Variants in USP6NL observed in about 807,000 individuals in gnomAD.
USP6NL encodes USP6 N-terminal-like protein.
In USP6NL, 26 loss-of-function variants were observed where a neutral mutation model predicts 61.9. The observed-to-expected ratio is 0.42, with a 90% CI of 0.31 to 0.58. The LOEUF (loss-of-function observed/expected upper bound fraction) is 0.58. Among genes scored for constraint, USP6NL ranks in the 20% least tolerant of loss-of-function variants. The pLI, the probability that USP6NL is intolerant of heterozygous loss-of-function variation, is 0.16. For missense variants in USP6NL, 1,114 were observed against 1,034.3 expected (o/e 1.08, Z -1.06); for synonymous variants, 432 against 390.1 (o/e 1.11, Z -1.27).
At chr10:11,501,865 C>A (rs76711727) in intron 6 of USP6NL, among the ~76,000 whole-genome samples, 22 of 152,176 alleles carry the variant, frequency 1.4e-4, no homozygotes, top group African/African-American at 5.1e-4. Context: ...AAACTTTTTT[C>A]TTTTTCTTAA....
rs534873937 is a variant in USP6NL, at chr10:11,476,362, G to GTCC, written c.1078+5405_1078+5407dup. ...AGTATTTGAGGTGAAGTATCCTGAT[G>GTCC]TCCTTATTTTCACTTTAAAATTGTT... On this transcript the variant is annotated intron_variant, in intron 14 of 14. Transcript: ENST00000609104. The surrounding 1 kb of genome is among the most constrained non-coding windows in gnomAD (Gnocchi z 4.3). Among the ~76,000 whole-genome samples, 153 of 152,258 alleles carry GTCC rather than the reference G, an allele frequency of 1.0e-3. 1 individual carries two copies. Among genetic ancestry groups the GTCC allele is most frequent in the African/African-American group, 3.5e-3 (145 of 41,556 alleles).
In USP6NL at chr10:11,525,361, C is replaced by A; in HGVS notation, c.155+25G>T. ...CACAGAAACGTTATAATCTAAAAAG[C>A]AAGCTTTCAATCTATGTGACTTACT... On this transcript the variant is annotated intron_variant, in intron 4 of 14. Coordinates refer to ENST00000609104, the MANE Select transcript of USP6NL (RefSeq NM_014688.5). This position sits in a 1 kb window ranked among gnomAD's most constrained non-coding sequence, Gnocchi z 5.0. The A allele has an allele frequency of 1.3e-6, 2 of 1,559,684 alleles. No homozygotes were observed. The highest frequency in any genetic ancestry group is 1.7e-6 in the Non-Finnish European group (2 of 1,156,128).
rs1200148342 is a variant in USP6NL, at chr10:11,489,104, T to C, written c.662A>G (p.His221Arg). 2 of 1,613,856 alleles carry C rather than the reference T, an allele frequency of 1.2e-6. No homozygotes were observed. Among genetic ancestry groups the C allele is most frequent in the East Asian group, 2.2e-5 (1 of 44,880 alleles). The change falls in exon 10 of 15, where the codon CAT (histidine) becomes CGT (arginine). Residue 221 changes from histidine (H) to arginine (R), a missense_variant and splice_region_variant. Coordinates refer to ENST00000609104, the MANE Select transcript of USP6NL (RefSeq NM_014688.5). The surrounding 1 kb of genome is among the most constrained non-coding windows in gnomAD (Gnocchi z 5.7). The part of the protein sequence containing the change: ...KLFSGPKHAM[H>R]GFFVQGFPKL... The stretch of plus-strand genomic sequence containing the variant: ...GATAAAGCACAGGGTTTTCTTACCA[T>C]GCATGGCATGTTTAGGGCCTGAGAA...
At chr10:11,483,405 GA>G (rs1223954949) in intron 13 of USP6NL, among the ~76,000 whole-genome samples, 5 of 140,952 alleles carry the variant, frequency 3.5e-5, no homozygotes, top group African/African-American at 1.3e-4. Context: ...ATTCTTGAGG[GA>G]ACATTAAGCT....
Position 11,460,732 on chromosome 10 carries a change from A to G in USP6NL, c.*1709T>C, listed in dbSNP as rs1323636721. The G allele has an allele frequency of 6.6e-6, 1 of 151,212 alleles. No individual in the cohort carries two copies. The highest frequency in any genetic ancestry group is 1.5e-5 in the Non-Finnish European group (1 of 67,720). 9.4% of individuals were successfully genotyped at this position (151,212 alleles called of 1,614,324 possible). A position where few individuals can be genotyped will look rare whatever the true frequency, so the allele number is the denominator to read the frequency against. Reference sequence around the variant, plus strand: ...ATACTGCTATTATAAACTAAATTGTACAGCTTGGTTTATTACAAGTCACAG... The same window carrying G: ...ATACTGCTATTATAAACTAAATTGTGCAGCTTGGTTTATTACAAGTCACAG... On this transcript the variant is annotated 3_prime_UTR_variant, in exon 15 of 15. Transcript: ENST00000609104.
intron 10 of USP6NL, among the ~76,000 whole-genome samples, chr10:11,486,651 G>T (rs1833483137): frequency 6.6e-6 from 1 of 152,096 alleles, no homozygotes; most frequent in Non-Finnish European, 1.5e-5. Context: ...ATCCAACCTG[G>T]GTTCCATGCA....
intron 2 of USP6NL, among the ~76,000 whole-genome samples, chr10:11,567,298 G>A (rs1054953554): frequency 6.6e-6 from 1 of 152,170 alleles, no homozygotes; most frequent in African/African-American, 2.4e-5. Context: ...ACAACTGACT[G>A]CAAAATTTAC....
rs550227825 is a variant in USP6NL, at chr10:11,607,587, G to A, written c.-84+3856C>T. On this transcript the variant is annotated intron_variant, in intron 1 of 14. Transcript: ENST00000609104. ...TGTAGTCCCAGTTACCTGGGAGGGT[G>A]AGGTGGGAGAATCGCTTGAGCCTGG... Among the ~76,000 whole-genome samples, 3 of 152,286 alleles carry A rather than the reference G, an allele frequency of 2.0e-5. No individual in the cohort carries two copies. In the East Asian group the frequency reaches 5.8e-4, roughly 29 times the overall value.
intron 2 of USP6NL, among the ~76,000 whole-genome samples, chr10:11,545,502 A>ACCTT (rs1427759428): frequency 6.6e-6 from 1 of 152,188 alleles, no homozygotes; most frequent in Non-Finnish European, 1.5e-5. Flanking sequence ...CCAGAGAAAC[A>ACCTT]TATCCTTTAC....
chr10:11,469,380 G>GC, intron 14 of USP6NL, among the ~76,000 whole-genome samples: 1 of 152,180 alleles, frequency 6.6e-6, no homozygotes, highest in South Asian at 2.1e-4. Flanking sequence ...ATATACACAG[G>GC]CAGAAACCTG....
Position 11,587,324 on chromosome 10 carries a change from G to A in USP6NL, c.4+10307C>T, listed in dbSNP as rs1271411126. ...TTAAGAAATTAATTTATAGTATCAT[G>A]TGTCTCAAAGTTGTCTAACTTTGAA... On this transcript the variant is annotated intron_variant, in intron 2 of 14. Transcript: ENST00000609104. The surrounding 1 kb of genome is among the most constrained non-coding windows in gnomAD (Gnocchi z 4.5). Among the ~76,000 whole-genome samples, 1 of 152,122 alleles carries A rather than the reference G, an allele frequency of 6.6e-6. No homozygotes were observed. The highest frequency in any genetic ancestry group is 6.5e-5 in the Admixed American group (1 of 15,270).
rs745675176 is a variant in USP6NL, at chr10:11,463,187, G to A, written c.1741C>T (p.Leu581Phe). Residue 581 changes from leucine to phenylalanine, a missense_variant, in exon 15 of 15, where the codon CTT (leucine) becomes TTT (phenylalanine). Transcript: ENST00000609104. This position sits in a 1 kb window ranked among gnomAD's most constrained non-coding sequence, Gnocchi z 6.3. Reference sequence around the variant, plus strand: ...TGCTTTCTCGGGCTAGGAGGGTAAAGGGCATGCCGGGGGCTCTGGGAGTAA... The same window carrying A: ...TGCTTTCTCGGGCTAGGAGGGTAAAAGGCATGCCGGGGGCTCTGGGAGTAA... ...RAYSQSPRHA[L>F]YPPSPRKHAE... 3 of 1,613,568 alleles carry A rather than the reference G, an allele frequency of 1.9e-6. No homozygotes were observed. Among genetic ancestry groups the A allele is most frequent in the Non-Finnish European group, 8.5e-7 (1 of 1,179,888 alleles).
At chr10:11,590,966 A>C (rs1228083815) in intron 2 of USP6NL, among the ~76,000 whole-genome samples, 1 of 152,202 alleles carries the variant, frequency 6.6e-6, no homozygotes, top group Non-Finnish European at 1.5e-5. Context: ...CTCCTATAAG[A>C]CAAAATTAGA....
Position 11,468,790 on chromosome 10 carries a change from G to A in USP6NL, c.1079-4941C>T, listed in dbSNP as rs1253024554. 1.3e-5 allele frequency among the ~76,000 whole-genome samples: 2 copies of A among 152,032 alleles called. No individual in the cohort carries two copies. The highest frequency in any genetic ancestry group is 4.8e-5 in the African/African-American group (2 of 41,366). On this transcript the variant is annotated intron_variant, in intron 14 of 14. Transcript: ENST00000609104. The surrounding 1 kb of genome is among the most constrained non-coding windows in gnomAD (Gnocchi z 4.5). ...GGCACATATCAGTAAAGACTGAGCT[G>A]GACACATAGTAAAATGTAGAATTAC...
intron 2 of USP6NL, among the ~76,000 whole-genome samples, chr10:11,550,768 A>G (rs1286774739): frequency 6.6e-6 from 1 of 151,876 alleles, no homozygotes; most frequent in Non-Finnish European, 1.5e-5. Context: ...AAAATAAATA[A>G]ATAAAAACAA....
At chr10:11,469,446 G>GA (rs1388269852) in intron 14 of USP6NL, among the ~76,000 whole-genome samples, 1 of 152,088 alleles carries the variant, frequency 6.6e-6, no homozygotes, top group Non-Finnish European at 1.5e-5. Context: ...AGCAGGGTTC[G>GA]GGGGGGAAGA....
intron 1 of USP6NL, among the ~76,000 whole-genome samples, chr10:11,601,470 G>C (rs1417279463): frequency 6.6e-6 from 1 of 152,180 alleles, no homozygotes; most frequent in African/African-American, 2.4e-5. Context: ...CACTTAAACT[G>C]AGGAGAGGAT....
rs992578430 is a variant in USP6NL, at chr10:11,493,243, A to C, written c.385-15T>G. 1.9e-6 allele frequency: 3 copies of C among 1,585,980 alleles called. No homozygotes were observed. Among genetic ancestry groups the C allele is most frequent in the Non-Finnish European group, 2.6e-6 (3 of 1,161,682 alleles). On this transcript the variant is annotated splice_polypyrimidine_tract_variant and intron_variant, in intron 7 of 14. Transcript: ENST00000609104. ...TGTTTTAATTTCTGAAGAGAGAAAGAGAGAACAGAACAGATTTTTATGGAA... is the reference window on the plus strand; with the variant it reads ...TGTTTTAATTTCTGAAGAGAGAAAGCGAGAACAGAACAGATTTTTATGGAA...
rs1295449386 is a variant in USP6NL at position 11,600,602 on chromosome 10, TAA to T, written c.-83-2887_-83-2886del. Among the ~76,000 whole-genome samples, 1 of 152,230 alleles carries T rather than the reference TAA, an allele frequency of 6.6e-6. No individual in the cohort carries two copies. Among genetic ancestry groups the T allele is most frequent in the Non-Finnish European group, 1.5e-5 (1 of 68,044 alleles). On this transcript the variant is annotated intron_variant, in intron 1 of 14. Transcript: ENST00000609104. The surrounding 1 kb of genome is among the most constrained non-coding windows in gnomAD (Gnocchi z 4.1). ...AATTTTCTAGTTAAAAAGACTATTT[TAA>T]AAGTCTAGCCATATTTCATAAGAAA...
Sources: gnomAD v4.1 joint callset for allele counts (sites outside exome capture counted in the v4.1 genomes callset) on GRCh38, gnomAD v4.1.1 for gene constraint, Gnocchi (gnomAD v3.1) non-coding constraint, MANE v1.5 for transcripts, NCBI Gene and HGNC (gene_info 2026-07-23, HGNC 2026-07-21) for gene names.